The following SHANK2 variants were observed in gnomAD, a reference collection of about 807,000 sequenced individuals.
The protein encoded by SHANK2 is SH3 and multiple ankyrin repeat domains 2, also known as SH3 and multiple ankyrin repeat domains protein 2.
In SHANK2, 43 loss-of-function variants were observed where a neutral mutation model predicts 133.7. That is an observed-to-expected ratio of 0.32 (90% CI 0.25 to 0.41). SHANK2 has a LOEUF of 0.41. Among genes scored for constraint, SHANK2 ranks in the 10% least tolerant of loss-of-function variants. The pLI is 1.00. For missense variants in SHANK2, 1,994 were observed against 2,235.8 expected, an observed-to-expected ratio of 0.89 and a Z score of 2.18; for synonymous variants, 1,017 against 952.8, an observed-to-expected ratio of 1.07 and a Z score of -1.24.
At chr11:70,718,642 C>T (rs1555028129) in intron 14 of SHANK2, among the ~76,000 whole-genome samples, 5 of 151,580 alleles carry the variant, frequency 3.3e-5, no homozygotes, top group African/African-American at 7.3e-5. Context: ...CGTGAGAAGG[C>T]GAATGTCACA....
At chr11:71,096,473 C>T (rs1262262143) in intron 6 of SHANK2, among the ~76,000 whole-genome samples, 1 of 152,160 alleles carries the variant, frequency 6.6e-6, no homozygotes, top group African/African-American at 2.4e-5. Flanking sequence ...CCCTCATTCT[C>T]TGTCTCTTCC....
chr11:70,775,555 G>A (rs1205981899), intron 14 of SHANK2, among the ~76,000 whole-genome samples: 1 of 152,160 alleles, frequency 6.6e-6, no homozygotes, highest in Admixed American at 6.5e-5. Context: ...GTTGACTCTA[G>A]ACCCACATTT....
At chr11:70,877,601 G>A (rs1317180519) in intron 11 of SHANK2, among the ~76,000 whole-genome samples, 2 of 152,140 alleles carry the variant, frequency 1.3e-5, no homozygotes, top group Non-Finnish European at 2.9e-5. Context: ...AGACTCCCCA[G>A]GACTCTACCA....
intron 1 of SHANK2, among the ~76,000 whole-genome samples, chr11:71,225,248 T>C (rs1954620776): frequency 6.6e-6 from 1 of 152,122 alleles, no homozygotes; most frequent in Non-Finnish European, 1.5e-5. Context: ...TGCAGAAAAA[T>C]CTGTGGCCTC....
intron 17 of SHANK2, among the ~76,000 whole-genome samples, chr11:70,619,534 A>G (rs1445093637): frequency 6.6e-6 from 1 of 152,144 alleles, no homozygotes. Flanking sequence ...TTGCAGCAAG[A>G]TCCCTCAGTT....
chr11:70,772,948 T>C (rs1449767032), intron 14 of SHANK2, among the ~76,000 whole-genome samples: 8 of 152,266 alleles, frequency 5.3e-5, no homozygotes, highest in Non-Finnish European at 1.2e-4. Flanking sequence ...GCTATTCTTA[T>C]TAATCTGCCT....
intron 1 of SHANK2, among the ~76,000 whole-genome samples, chr11:71,230,837 A>C (rs1404867424): frequency 2.0e-5 from 3 of 152,238 alleles, no homozygotes; most frequent in Non-Finnish European, 4.4e-5. Context: ...CTGTCTTTTC[A>C]ACAAACGATG....
At chr11:70,721,445 T>C (rs1293147309) in intron 14 of SHANK2, among the ~76,000 whole-genome samples, 6 of 152,236 alleles carry the variant, frequency 3.9e-5, no homozygotes, top group Admixed American at 2.0e-4. Flanking sequence ...CAGGAGCTGG[T>C]GCTCCACCAC....
chr11:70,733,879 G>A (rs1946339248), intron 14 of SHANK2, among the ~76,000 whole-genome samples: 2 of 152,200 alleles, frequency 1.3e-5, no homozygotes, highest in Admixed American at 6.5e-5. Flanking sequence ...GCCAAGGCGG[G>A]GAGGGTGACC....
At chr11:70,852,126 T>A in intron 11 of SHANK2, among the ~76,000 whole-genome samples, 1 of 152,012 alleles carries the variant, frequency 6.6e-6, no homozygotes, top group African/African-American at 2.4e-5. Flanking sequence ...GTGGGCAGGG[T>A]CTGCAGAGGC....
rs1555153046 is a variant in SHANK2 at position 70,485,724 on chromosome 11, A to G, written c.4569T>C (p.Gly1523=). The G allele has an allele frequency of 6.2e-7, 1 of 1,613,854 alleles. No homozygotes were observed. The highest frequency in any genetic ancestry group is 2.2e-5 in the East Asian group (1 of 44,880). Residue 1523 remains glycine (G), a synonymous_variant, in exon 25 of 26, where the codon GGT becomes GGC. Transcript: ENST00000601538. The surrounding 1 kb of genome is among the most constrained non-coding windows in gnomAD (Gnocchi z 5.8). ...VSSISTLSSE[G]GENVDTCTVY... ...CTGTGCAGGTGTCCACATTCTCTCC[A>G]CCTTCGGAAGACAGGGTGGAGATGC...
chr11:70,871,166 C>T (rs1216419426), intron 11 of SHANK2, among the ~76,000 whole-genome samples: 2 of 152,208 alleles, frequency 1.3e-5, no homozygotes, highest in African/African-American at 4.8e-5. Context: ...TCTGTAAAGA[C>T]CCTACCTCTA....
chr11:70,740,383 C>T (rs1348967134), intron 14 of SHANK2, among the ~76,000 whole-genome samples: 1 of 152,140 alleles, frequency 6.6e-6, no homozygotes, highest in African/African-American at 2.4e-5. Flanking sequence ...AATGCCAGCC[C>T]GTTTATCCTG....
At chr11:70,826,096 T>C (rs1163650148) in intron 11 of SHANK2, among the ~76,000 whole-genome samples, 1 of 152,192 alleles carries the variant, frequency 6.6e-6, no homozygotes, top group Non-Finnish European at 1.5e-5. Flanking sequence ...TGCCCCGACC[T>C]GCCTCGGCCA....
rs538523921 is a variant in SHANK2, at chr11:70,678,469, TCCTGCCTCTC to T, written c.1854-16801_1854-16792del. Among the ~76,000 whole-genome samples the T allele has an allele frequency of 4.1e-3, 625 of 150,984 alleles. 4 individuals are homozygous for T. Among genetic ancestry groups the T allele is most frequent in the South Asian group, 0.021 (102 of 4,764 alleles). On this transcript the variant is annotated intron_variant, in intron 15 of 25. Transcript: ENST00000601538. ...TCTTTATTAAAGCTGGAGTTATCTG[TCCTGCCTCTC>T]CCTGCCTCTCCCTGCCTCTCGACCT... is the stretch of plus-strand genomic sequence containing the variant.
intron 10 of SHANK2, among the ~76,000 whole-genome samples, chr11:70,914,403 T>C (rs1950238855): frequency 6.6e-6 from 1 of 151,424 alleles, no homozygotes; most frequent in Non-Finnish European, 1.5e-5. Flanking sequence ...ACACCACACC[T>C]CCCACCTGTC....
intron 2 of SHANK2, among the ~76,000 whole-genome samples, chr11:71,222,023 G>C (rs1954551419): frequency 6.6e-6 from 1 of 152,082 alleles, no homozygotes; most frequent in African/African-American, 2.4e-5. Flanking sequence ...AAGCGCCCAG[G>C]TGAGCATGGC....
In SHANK2 at chr11:70,739,828, A is replaced by G. The variant is rs1385092037; in HGVS notation, c.1778-41065T>C. On this transcript the variant is annotated intron_variant, in intron 14 of 25. Coordinates refer to ENST00000601538, the MANE Select transcript of SHANK2 (RefSeq NM_012309.5). This position sits in a 1 kb window ranked among gnomAD's most constrained non-coding sequence, Gnocchi z 4.3. The stretch of plus-strand genomic sequence containing the variant: ...GTGTCTTTGTAAGACAAGGAGAGCC[A>G]GACACACGAGGCACCAGGGAGGCAC... Among the ~76,000 whole-genome samples, 2 of 152,222 alleles carry G rather than the reference A, an allele frequency of 1.3e-5. No homozygotes were observed. The highest frequency in any genetic ancestry group is 2.1e-4 in the South Asian group (1 of 4,830).
At chr11:71,076,823 C>G (rs1323151649) in intron 8 of SHANK2, among the ~76,000 whole-genome samples, 4 of 152,228 alleles carry the variant, frequency 2.6e-5, no homozygotes, top group African/African-American at 9.6e-5. Flanking sequence ...TAAGGGACGC[C>G]CAGCTGACCT....
Sources: allele counts gnomAD v4.1 joint callset (sites outside exome capture counted in the v4.1 genomes callset), GRCh38; gene constraint gnomAD v4.1.1; non-coding constraint Gnocchi (gnomAD v3.1); transcripts MANE v1.5; gene names NCBI Gene and HGNC (gene_info 2026-07-23, HGNC 2026-07-21).